The following C1orf35 variants were observed in gnomAD, a reference collection of about 807,000 sequenced individuals.
C1orf35 encodes chromosome 1 open reading frame 35, also known as multiple myeloma tumor-associated protein 2.
In C1orf35, 36 loss-of-function variants were observed where a neutral mutation model predicts 30.9. The observed-to-expected ratio is 1.16, with a 90% CI of 0.89 to 1.54. The LOEUF (loss-of-function observed/expected upper bound fraction) is 1.54, where lower values mean the gene tolerates loss of function less well. C1orf35 is among the 40% of genes most tolerant of loss of function. C1orf35 has a pLI of 0.00. For missense variants in C1orf35, 396 were observed against 358.7 expected, an observed-to-expected ratio of 1.10 and a Z score of -0.84; for synonymous variants, 179 against 148.2, an observed-to-expected ratio of 1.21 and a Z score of -1.51.
Position 228,102,905 on chromosome 1 carries a change from G to C in C1orf35, c.239C>G (p.Ala80Gly). ...VREAEREALL[A>G]ALGYKNVKKQ... ...GCCGTCCGCGGACACTCACAGGGCG[G>C]CCAGCAGCGCCTCGCGCTCCGCCTC... The change falls in exon 2 of 8, where the codon GCC becomes GGC. Residue 80 changes from alanine (A) to glycine (G), a missense_variant. By Grantham distance (60) the Ala-to-Gly change is moderately conservative. Transcript: ENST00000272139. The C allele has an allele frequency of 6.8e-7, 1 of 1,475,160 alleles. No individual in the cohort carries two copies. Among genetic ancestry groups the C allele is most frequent in the Non-Finnish European group, 8.9e-7 (1 of 1,120,262 alleles). The allele number at this position is 1,475,160 out of a possible 1,614,324, so 91.4% of individuals were successfully genotyped here. A position where few individuals can be genotyped will look rare whatever the true frequency, so the allele number is the denominator to read the frequency against.
chr1:228,101,820 G>GC (rs1320258102), intron 6 of C1orf35: 1 of 1,413,632 alleles, frequency 7.1e-7, no homozygotes, highest in African/African-American at 1.4e-5. Flanking sequence ...GCAGGAAAAG[G>GC]CCCCGCCCCA....
intron 5 of C1orf35, 48 bp downstream of exon 5, chr1:228,102,262 C>T (rs982769714): frequency 1.9e-6 from 3 of 1,596,362 alleles, no homozygotes; most frequent in Non-Finnish European, 2.6e-6. Flanking sequence ...CCCCGCCCCG[C>T]CCCACCCCTG....
At position 228,102,921 on chromosome 1, in the gene C1orf35, G is replaced by A; in HGVS notation, c.223C>T (p.Arg75Cys). Residue 75 changes from arginine to cysteine, a missense_variant, in exon 2 of 8, where the codon CGC becomes TGC. Arg to Cys is a radical substitution (Grantham distance 180). Transcript: ENST00000272139. ...EELAAVREAE[R>C]EALLAALGYK... ...CACAGGGCGGCCAGCAGCGCCTCGC[G>A]CTCCGCCTCCCGCACGGCTGCCAGT... The A allele has an allele frequency of 6.0e-6, 9 of 1,493,538 alleles. No individual in the cohort carries two copies. The highest frequency in any genetic ancestry group is 8.0e-6 in the Non-Finnish European group (9 of 1,128,114). The allele number at this position is 1,493,538 out of a possible 1,614,324, so 92.5% of individuals were successfully genotyped here.
rs2032990055 is a variant in C1orf35, at chr1:228,102,299, C to CG, written c.447+10dup. On this transcript the variant is annotated intron_variant, in intron 5 of 7. Coordinates refer to ENST00000272139, the MANE Select transcript of C1orf35 (RefSeq NM_024319.4). ...TAGCCCCTGCTGCGGTCAGGCGGGG[C>CG]GGGGGATTACCGTGAACACAGACAG... 1 of 1,610,066 alleles carries CG rather than the reference C, an allele frequency of 6.2e-7. No individual in the cohort carries two copies.
Position 228,102,568 on chromosome 1 carries a change from T to C in C1orf35, c.292-8A>G. 5 of 1,566,126 alleles carry C rather than the reference T, an allele frequency of 3.2e-6. No homozygotes were observed. Among genetic ancestry groups the C allele is most frequent in the Admixed American group, 1.9e-5 (1 of 53,842 alleles). ...GCAGACCTCCGCGAAGTCCTGCAGGTGCGAGAGCACAGGGAGCGCTCGAGT... is the reference window on the plus strand; with the variant it reads ...GCAGACCTCCGCGAAGTCCTGCAGGCGCGAGAGCACAGGGAGCGCTCGAGT... On this transcript the variant is annotated splice_region_variant and splice_polypyrimidine_tract_variant and intron_variant, in intron 3 of 7. Transcript: ENST00000272139.
In C1orf35 at chr1:228,103,308, G is replaced by C. The variant is rs929700654; in HGVS notation, c.-81C>G. On this transcript the variant is annotated 5_prime_UTR_variant, in exon 1 of 8. Transcript: ENST00000272139. The stretch of plus-strand genomic sequence containing the variant: ...CCGAGACCCGCTACCCACTACCGTC[G>C]GACCCAGGCCCGACCCCGCCTCCGC... 4 of 1,518,210 alleles carry C rather than the reference G, an allele frequency of 2.6e-6. No homozygotes were observed. In the South Asian group the frequency reaches 3.6e-5, roughly 14 times the overall value. 94.0% of individuals were successfully genotyped at this position (1,518,210 alleles called of 1,614,324 possible). A position where few individuals can be genotyped will look rare whatever the true frequency, so the allele number is the denominator to read the frequency against.
Position 228,103,291 on chromosome 1 carries a change from C to A in C1orf35, c.-64G>T, listed in dbSNP as rs1022945633. 3 of 1,569,716 alleles carry A rather than the reference C, an allele frequency of 1.9e-6. No homozygotes were observed. The highest frequency in any genetic ancestry group is 2.1e-4 in the Middle Eastern group (1 of 4,672). ...AACCTGCAACCCGCAACCCGAGACC[C>A]GCTACCCACTACCGTCGGACCCAGG... On this transcript the variant is annotated 5_prime_UTR_variant, in exon 1 of 8. Transcript: ENST00000272139.
At position 228,101,131 on chromosome 1, in the gene C1orf35, T is replaced by C; in HGVS notation, c.792A>G (p.Ter264TrpextTer51). ...RRWHDRGSEA* is the reference protein window; with the variant it reads ...RRWHDRGSEAW Reference sequence around the variant, plus strand: ...AACAGCAGTGAGCAGGGTCCAGCCATCAGGCCTCAGAGCCTCTGTCATGCC... The same window carrying C: ...AACAGCAGTGAGCAGGGTCCAGCCACCAGGCCTCAGAGCCTCTGTCATGCC... Residue 264 changes from the stop codon to tryptophan (W), a stop_lost, in exon 8 of 8, where the codon TGA becomes TGG. Coordinates refer to ENST00000272139, the MANE Select transcript of C1orf35 (RefSeq NM_024319.4). 1 of 1,612,970 alleles carries C rather than the reference T, an allele frequency of 6.2e-7. No individual in the cohort carries two copies. The highest frequency in any genetic ancestry group is 8.5e-7 in the Non-Finnish European group (1 of 1,180,032).
rs371024758 is a variant in C1orf35 at position 228,101,485 on chromosome 1, A to T, written c.534-12T>A. The T allele has an allele frequency of 6.2e-7, 1 of 1,610,764 alleles. No homozygotes were observed. Among genetic ancestry groups the T allele is most frequent in the Non-Finnish European group, 8.5e-7 (1 of 1,179,900 alleles). Reference sequence around the variant, plus strand: ...TGTGGCTCTCACAACTACAAGGAGGATACAAGGTGTGCCTCAGACCCTAGT... The same window carrying T: ...TGTGGCTCTCACAACTACAAGGAGGTTACAAGGTGTGCCTCAGACCCTAGT... On this transcript the variant is annotated splice_polypyrimidine_tract_variant and intron_variant, in intron 6 of 7. Transcript: ENST00000272139.
At chr1:228,101,972 C>A in intron 6 of C1orf35, 108 bp downstream of exon 6, 1 of 1,429,376 alleles carries the variant, frequency 7.0e-7, no homozygotes. Context: ...GGCCACCCGC[C>A]GGGCCGGTGC....
intron 6 of C1orf35, chr1:228,101,685 C>T: frequency 4.9e-6 from 7 of 1,433,346 alleles, no homozygotes; most frequent in South Asian, 3.0e-5. Context: ...CTCCACAGCA[C>T]GCCCCTGCCC....
chr1:228,101,062 G>A lies in C1orf35; in HGVS notation c.*69C>T, dbSNP rs888061097. On this transcript the variant is annotated 3_prime_UTR_variant, in exon 8 of 8. Coordinates refer to ENST00000272139, the MANE Select transcript of C1orf35 (RefSeq NM_024319.4). ...CTTCACCCACACCCAAGGAGCTTCC[G>A]AGGCAGGAGGCAAGCAAGGTGAAGG... 4.4e-6 allele frequency: 7 copies of A among 1,594,258 alleles called. No homozygotes were observed. The highest frequency in any genetic ancestry group is 2.2e-5 in the East Asian group (1 of 44,756).
At position 228,102,272 on chromosome 1, in the gene C1orf35, G is replaced by C. The variant is rs1011907889; in HGVS notation, c.447+38C>G. ...AGTGCCCCCGCCCCGCCCCACCCCT[G>C]TTAGCCCCTGCTGCGGTCAGGCGGG... On this transcript the variant is annotated intron_variant, in intron 5 of 7. Coordinates refer to ENST00000272139, the MANE Select transcript of C1orf35 (RefSeq NM_024319.4). The C allele has an allele frequency of 4.4e-6, 7 of 1,602,992 alleles. No homozygotes were observed. In the African/African-American group the frequency reaches 6.7e-5, roughly 15 times the overall value.
At chr1:228,101,552 A>G in intron 6 of C1orf35, 79 bp from the exon 7 acceptor site, 2 of 1,577,888 alleles carry the variant, frequency 1.3e-6, no homozygotes, top group Non-Finnish European at 1.7e-6. Flanking sequence ...CCCCATCCAG[A>G]TGAAGCCACC....
intron 2 of C1orf35, 77 bp downstream of exon 2, chr1:228,102,822 C>CCCCCCT (rs2124865877): frequency 1.4e-6 from 2 of 1,390,044 alleles, no homozygotes; most frequent in Non-Finnish European, 1.9e-6. Flanking sequence ...GCCCGACCCC[C>CCCCCCT]AGTCCCCGGC....
chr1:228,102,319 A>C lies in C1orf35; in HGVS notation c.438T>G (p.Ser146=). Residue 146 remains serine, a synonymous_variant, in exon 5 of 8, where the codon TCT becomes TCG. Coordinates refer to ENST00000272139, the MANE Select transcript of C1orf35 (RefSeq NM_024319.4). ...CGGGGCGGGGGATTACCGTGAACAC[A>C]GACAGCCCCAGTTTGGCGGCCTCCT... ...EDKEAAKLGL[S]VFTHHRVESG... is the part of the protein sequence containing the mutation. 1 of 1,611,348 alleles carries C rather than the reference A, an allele frequency of 6.2e-7. No homozygotes were observed. Among genetic ancestry groups the C allele is most frequent in the African/African-American group, 1.3e-5 (1 of 74,974 alleles).
chr1:228,102,632 C>G lies in C1orf35; in HGVS notation c.291+11G>C, dbSNP rs760706045. 1.2e-6 allele frequency: 2 copies of G among 1,601,144 alleles called. No individual in the cohort carries two copies. Among genetic ancestry groups the G allele is most frequent in the Admixed American group, 3.4e-5 (2 of 59,048 alleles). ...ACGGCCCTCCACGCGCCCCCCACCC[C>G]GGGGAGTTACCTCCTTGCTCAGGCC... On this transcript the variant is annotated intron_variant, in intron 3 of 7. Coordinates refer to ENST00000272139, the MANE Select transcript of C1orf35 (RefSeq NM_024319.4).
At chr1:228,102,275 A>G (rs2295995) in intron 5 of C1orf35, 35 bp downstream of exon 5, 152,821 of 1,602,786 alleles carry the variant, frequency 0.095, 8,721 homozygotes, top group African/African-American at 0.25. Context: ...CACCCCTGTT[A>G]GCCCCTGCTG....
rs2033012355 is a variant in C1orf35 at position 228,102,890 on chromosome 1, G to A, written c.245+9C>T. 2 of 1,412,234 alleles carry A rather than the reference G, an allele frequency of 1.4e-6. No individual in the cohort carries two copies. The highest frequency in any genetic ancestry group is 3.2e-5 in the Admixed American group (1 of 31,478). 87.5% of individuals were successfully genotyped at this position (1,412,234 alleles called of 1,614,324 possible). On this transcript the variant is annotated intron_variant, in intron 2 of 7. Transcript: ENST00000272139. ...CAGGCACCGACCGCTGCCGTCCGCG[G>A]ACACTCACAGGGCGGCCAGCAGCGC... is the stretch of plus-strand genomic sequence containing the variant.
Sources: allele counts gnomAD v4.1 joint callset, GRCh38; gene constraint gnomAD v4.1.1; transcripts MANE v1.5; gene names NCBI Gene and HGNC (gene_info 2026-07-23, HGNC 2026-07-21).